ESR1: variants seen among roughly 807,000 people sequenced by gnomAD.
ESR1 encodes estrogen receptor 1, also known as estrogen receptor.
Under a neutral mutation model 52.7 loss-of-function variants are expected in ESR1, and 12 were observed. The observed-to-expected ratio is 0.23, with a 90% CI of 0.15 to 0.37. The LOEUF is 0.37. Ranked by LOEUF, ESR1 falls within the 10% of genes least tolerant of loss-of-function variation. The probability of loss-of-function intolerance (pLI) is 1.00; values close to 1 mark genes in which losing one functional copy is unlikely to be tolerated. For synonymous variants in ESR1, 305 were observed against 316.8 expected (o/e 0.96, Z 0.39); for missense variants, 584 against 779.7 (o/e 0.75, Z 2.99).
At chr6:151,681,081 C>T (rs1778441708) in intron 1 of ESR1, among the ~76,000 whole-genome samples, 1 of 152,166 alleles carries the variant, frequency 6.6e-6, no homozygotes, top group Admixed American at 6.5e-5. Context: ...CGTCCTTGTT[C>T]CTGCTCAGTC....
intron 5 of ESR1, among the ~76,000 whole-genome samples, chr6:152,043,192 A>AT (rs1415183682): frequency 2.0e-5 from 3 of 152,156 alleles, no homozygotes; most frequent in Non-Finnish European, 4.4e-5. Flanking sequence ...GAGATCAGGC[A>AT]TTTCCAGCTC....
intron 6 of ESR1, among the ~76,000 whole-genome samples, chr6:152,084,129 G>C (rs972600885): frequency 4.6e-5 from 7 of 152,178 alleles, no homozygotes; most frequent in African/African-American, 1.7e-4. Flanking sequence ...GCAGGGACGT[G>C]GATGAAGCTG....
chr6:152,084,618 T>C (rs1336693099), intron 6 of ESR1, among the ~76,000 whole-genome samples: 2 of 151,210 alleles, frequency 1.3e-5, no homozygotes, highest in African/African-American at 4.9e-5. Flanking sequence ...GTTCCCAGGA[T>C]GGACTGCAAG....
chr6:151,837,147 C>G (rs1404579398), intron 1 of ESR1, among the ~76,000 whole-genome samples: 1 of 135,176 alleles, frequency 7.4e-6, no homozygotes, highest in Non-Finnish European at 1.6e-5. Flanking sequence ...TTCACCCAGG[C>G]TGGAGTGCAC....
chr6:152,073,607 AT>A (rs1760328110), intron 6 of ESR1, among the ~76,000 whole-genome samples: 1 of 152,306 alleles, frequency 6.6e-6, no homozygotes, highest in Admixed American at 6.5e-5. Flanking sequence ...TTCCAGGAAA[AT>A]TATTAGTTTT....
intron 2 of ESR1, among the ~76,000 whole-genome samples, chr6:151,756,365 G>A (rs1211147148): frequency 2.0e-5 from 3 of 151,650 alleles, no homozygotes; most frequent in African/African-American, 7.3e-5. Context: ...CTCCTGCCTC[G>A]GCCTCCCGAG....
At chr6:151,668,814 C>T (rs988917088) in intron 1 of ESR1, among the ~76,000 whole-genome samples, 2 of 152,110 alleles carry the variant, frequency 1.3e-5, no homozygotes, top group African/African-American at 4.8e-5. Flanking sequence ...AGAGCAGAAA[C>T]ACTACTTTAT....
At chr6:151,680,197 C>A (rs1049734998) in intron 1 of ESR1, among the ~76,000 whole-genome samples, 7 of 136,626 alleles carry the variant, frequency 5.1e-5, no homozygotes, top group Admixed American at 4.8e-4. Context: ...TGCTTTTTTT[C>A]TTTTCTCTTT....
chr6:152,045,515 G>A (rs932502719), intron 5 of ESR1, among the ~76,000 whole-genome samples: 2 of 152,168 alleles, frequency 1.3e-5, no homozygotes, highest in African/African-American at 4.8e-5. Flanking sequence ...CGGCCAGACT[G>A]CAGGTCTGCT....
At chr6:152,043,802 C>G (rs2046000523) in intron 5 of ESR1, among the ~76,000 whole-genome samples, 1 of 152,146 alleles carries the variant, frequency 6.6e-6, no homozygotes, top group South Asian at 2.1e-4. Context: ...GGCCCCATTC[C>G]AAGTTGCAGG....
At chr6:151,797,952 T>C (rs889213864) in intron 2 of ESR1, among the ~76,000 whole-genome samples, 3 of 152,214 alleles carry the variant, frequency 2.0e-5, no homozygotes, top group Non-Finnish European at 4.4e-5. Context: ...GGAAAGGAAA[T>C]TAATCAGATG....
chr6:151,887,518 T>G (rs1428494512), intron 3 of ESR1, among the ~76,000 whole-genome samples: 1 of 152,150 alleles, frequency 6.6e-6, no homozygotes, highest in African/African-American at 2.4e-5. Flanking sequence ...TCGTCATCTA[T>G]GAAACAGATA....
At chr6:152,126,299 G>A (rs913840477) in exon 7 of ESR1, 4 of 152,152 alleles carry the variant, frequency 2.6e-5, no homozygotes, top group African/African-American at 9.7e-5. Flanking sequence ...TCATCTTCAG[G>A]GGGAACTTGT....
chr6:152,004,171 G>A lies in ESR1; in HGVS notation c.1097-7485G>A, dbSNP rs192012190. ...GGTGAGTAGAATGTAACTACAATAT[G>A]GTACACACACAGACACACAGGATGA... On this transcript the variant is annotated intron_variant, in intron 4 of 7. Transcript: ENST00000206249. 2.3e-4 allele frequency among the ~76,000 whole-genome samples: 35 copies of A among 152,004 alleles called. No individual in the cohort carries two copies. The East Asian group carries it at 5.0e-3, about 22-fold the overall frequency.
intron 2 of ESR1, among the ~76,000 whole-genome samples, chr6:151,737,171 A>G (rs758181383): frequency 5.9e-5 from 9 of 152,170 alleles, no homozygotes; most frequent in Non-Finnish European, 1.3e-4. Context: ...TTATGGAAGT[A>G]CATCATTTCC....
intron 6 of ESR1, among the ~76,000 whole-genome samples, chr6:152,114,458 C>T (rs1291378407): frequency 6.6e-6 from 1 of 152,104 alleles, no homozygotes. Context: ...TCAAATCAGG[C>T]CTTTGCTCTT....
Position 151,841,071 on chromosome 6 carries a change from T to C in ESR1, c.453-1526T>C, listed in dbSNP as rs1256074511. Among the ~76,000 whole-genome samples the C allele has an allele frequency of 3.3e-5, 5 of 152,194 alleles. No homozygotes were observed. The East Asian group carries it at 5.8e-4, about 18-fold the overall frequency. ...TCCAGTCTTCTTCAAGTTGTCTTCA[T>C]TGAGGCAATTTCTTTTACCTGTGTT... On this transcript the variant is annotated intron_variant, in intron 1 of 7. Coordinates refer to ENST00000206249, the MANE Select transcript of ESR1 (RefSeq NM_000125.4).
At position 152,094,503 on chromosome 6, in the gene ESR1, C is replaced by T. The variant is rs780261844; in HGVS notation, c.1488C>T (p.Thr496=). The T allele has an allele frequency of 3.7e-6, 6 of 1,614,026 alleles. No homozygotes were observed. The highest frequency in any genetic ancestry group is 4.2e-6 in the Non-Finnish European group (5 of 1,180,034). ...LIHLMAKAGL[T]LQQQHQRLAQ... ...ACCTGATGGCCAAGGCAGGCCTGAC[C>T]CTGCAGCAGCAGCACCAGCGGCTGG... The change falls in exon 7 of 8, where the codon ACC becomes ACT. Residue 496 remains threonine, a synonymous_variant. Coordinates refer to ENST00000206249, the MANE Select transcript of ESR1 (RefSeq NM_000125.4). The surrounding 1 kb of genome is among the most constrained non-coding windows in gnomAD (Gnocchi z 4.6).
At chr6:151,901,320 G>T (rs527345304) in intron 3 of ESR1, among the ~76,000 whole-genome samples, 35 of 152,306 alleles carry the variant, frequency 2.3e-4, no homozygotes, top group African/African-American at 8.2e-4. Context: ...TTTGTTTGCA[G>T]GCAGCGGATG....
Sources: gnomAD v4.1 joint callset for allele counts (sites outside exome capture counted in the v4.1 genomes callset) on GRCh38, gnomAD v4.1.1 for gene constraint, Gnocchi (gnomAD v3.1) non-coding constraint, MANE v1.5 for transcripts, NCBI Gene and HGNC (gene_info 2026-07-23, HGNC 2026-07-21) for gene names.